The following SUMF1 variants were observed in gnomAD, a reference collection of about 807,000 sequenced individuals.
The protein encoded by SUMF1 is sulfatase modifying factor 1.
Under a neutral mutation model 47.6 loss-of-function variants are expected in SUMF1, and 48 were observed. The ratio of observed to expected loss-of-function variants is 1.01; its 90% CI spans 0.80 to 1.28. SUMF1 has a LOEUF of 1.28. Among genes scored for constraint, SUMF1 ranks in the 50% most tolerant of loss-of-function variants. SUMF1 has a pLI of 0.00. For synonymous variants in SUMF1, 230 were observed against 192.1 expected, an observed-to-expected ratio of 1.20 and a Z score of -1.63; for missense variants, 571 against 485.4, an observed-to-expected ratio of 1.18 and a Z score of -1.66.
At chr3:4,339,271 C>T (rs776329546) in intron 8 of SUMF1, among the ~76,000 whole-genome samples, 1 of 152,132 alleles carries the variant, frequency 6.6e-6, no homozygotes, top group Non-Finnish European at 1.5e-5. Context: ...AAAGTCTCAA[C>T]TTGTCCCATT....
At chr3:4,368,144 A>C (rs1203630900) in intron 8 of SUMF1, among the ~76,000 whole-genome samples, 2 of 152,244 alleles carry the variant, frequency 1.3e-5, no homozygotes, top group African/African-American at 2.4e-5. Context: ...TTACAAGAAA[A>C]AAACAAACAA....
At chr3:4,067,343 T>C (rs1177346678) in intron 9 of SUMF1, among the ~76,000 whole-genome samples, 2 of 152,152 alleles carry the variant, frequency 1.3e-5, no homozygotes, top group African/African-American at 2.4e-5. Context: ...ATATATACCA[T>C]ATCATGAAGG....
intron 1 of SUMF1, among the ~76,000 whole-genome samples, chr3:4,453,533 A>AT (rs11424980): frequency 0.32 from 43,910 of 138,210 alleles, 7,034 homozygotes; most frequent in Non-Finnish European, 0.35. Context: ...TGCCCAACTA[A>AT]TTTTTTTTTT....
At chr3:4,365,885 T>G (rs1404195058) in intron 8 of SUMF1, among the ~76,000 whole-genome samples, 1 of 152,216 alleles carries the variant, frequency 6.6e-6, no homozygotes, top group Non-Finnish European at 1.5e-5. Flanking sequence ...TAGTGTTTCC[T>G]TCAGGAGCTC....
intron 8 of SUMF1, among the ~76,000 whole-genome samples, chr3:4,259,082 G>A: frequency 6.9e-6 from 1 of 145,964 alleles, no homozygotes; most frequent in Non-Finnish European, 1.5e-5. Flanking sequence ...ATGGACCCAG[G>A]AAGGGGGATA....
At chr3:4,112,329 T>G (rs1439876857) in intron 8 of SUMF1, among the ~76,000 whole-genome samples, 2 of 152,292 alleles carry the variant, frequency 1.3e-5, no homozygotes, top group African/African-American at 4.8e-5. Context: ...CTGAGAGGGA[T>G]AGCCAACTAA....
intron 8 of SUMF1, among the ~76,000 whole-genome samples, chr3:4,077,482 A>G (rs964544501): frequency 1.3e-5 from 2 of 152,164 alleles, no homozygotes; most frequent in African/African-American, 4.8e-5. Flanking sequence ...AGCCATGAAA[A>G]AGAACAAGTT....
chr3:4,079,420 TA>T (rs2125043862), intron 8 of SUMF1, among the ~76,000 whole-genome samples: 1 of 152,080 alleles, frequency 6.6e-6, no homozygotes, highest in East Asian at 1.9e-4. Context: ...TTTACTGAAA[TA>T]AGGTACATGC....
At chr3:4,160,033 A>G (rs1694539898) in intron 8 of SUMF1, among the ~76,000 whole-genome samples, 1 of 152,098 alleles carries the variant, frequency 6.6e-6, no homozygotes, top group African/African-American at 2.4e-5. Context: ...GCCTTGGGGT[A>G]GCCTTCTTTA....
intron 8 of SUMF1, among the ~76,000 whole-genome samples, chr3:4,270,218 C>T (rs1697275886): frequency 6.6e-6 from 1 of 152,040 alleles, no homozygotes; most frequent in East Asian, 1.9e-4. Context: ...ATAAAGGAGC[C>T]TCAGTATTGA....
chr3:4,131,853 G>A (rs1241334380), intron 8 of SUMF1, among the ~76,000 whole-genome samples: 1 of 152,148 alleles, frequency 6.6e-6, no homozygotes, highest in Non-Finnish European at 1.5e-5. Context: ...TCTTTCCCCA[G>A]CCACCTCTGT....
chr3:4,305,755 C>T (rs1200500931), intron 8 of SUMF1, among the ~76,000 whole-genome samples: 3 of 152,168 alleles, frequency 2.0e-5, no homozygotes, highest in African/African-American at 7.2e-5. Context: ...TAAGGCATGA[C>T]TCCCCAGGTG....
intron 8 of SUMF1, among the ~76,000 whole-genome samples, chr3:4,235,448 G>A (rs1320105209): frequency 1.3e-5 from 2 of 152,060 alleles, no homozygotes; most frequent in African/African-American, 4.8e-5. Flanking sequence ...GCAAAATCAA[G>A]TAGGGAGAAA....
chr3:4,253,455 A>G (rs564015872), intron 8 of SUMF1, among the ~76,000 whole-genome samples: 14 of 152,260 alleles, frequency 9.2e-5, no homozygotes, highest in South Asian at 2.1e-4. Flanking sequence ...CCTGGGAAGC[A>G]CAAGGGGTCA....
At chr3:4,431,127 T>C (rs571697580) in intron 3 of SUMF1, among the ~76,000 whole-genome samples, 1 of 152,246 alleles carries the variant, frequency 6.6e-6, no homozygotes, top group Non-Finnish European at 1.5e-5. Flanking sequence ...CTGTTGATAG[T>C]GGGAGGAGGC....
intron 7 of SUMF1, among the ~76,000 whole-genome samples, chr3:4,388,717 G>C (rs1300553843): frequency 2.0e-5 from 3 of 151,608 alleles, no homozygotes; most frequent in African/African-American, 4.9e-5. Flanking sequence ...TTGTGCTTTT[G>C]AGCATACCTC....
intron 8 of SUMF1, among the ~76,000 whole-genome samples, chr3:4,122,245 C>T (rs755695420): frequency 3.3e-5 from 5 of 151,956 alleles, no homozygotes; most frequent in Non-Finnish European, 5.9e-5. Flanking sequence ...ATGGTGTATC[C>T]GTATAACAGA....
rs1464704925 is a variant in SUMF1 at position 4,375,303 on chromosome 3, C to CAT, written c.1014+1025_1014+1026dup. Among the ~76,000 whole-genome samples, 9 of 152,008 alleles carry CAT rather than the reference C, an allele frequency of 5.9e-5. No homozygotes were observed. The East Asian group carries it at 7.7e-4, about 13-fold the overall frequency. On this transcript the variant is annotated intron_variant, in intron 8 of 8. Coordinates refer to ENST00000272902, the MANE Select transcript of SUMF1 (RefSeq NM_182760.4). ...GAAGATACACATACATACAAACTCACATATATACATAAAATCTAGAGAGAT... is the reference window on the plus strand; with the variant it reads ...GAAGATACACATACATACAAACTCACATATATATACATAAAATCTAGAGAGAT...
chr3:4,124,371 T>G (rs527440961), intron 8 of SUMF1, among the ~76,000 whole-genome samples: 17 of 152,296 alleles, frequency 1.1e-4, no homozygotes, highest in African/African-American at 3.1e-4. Flanking sequence ...GTAATGTTTA[T>G]GAAACACAAT....
Sources: gnomAD v4.1 joint callset for allele counts (sites outside exome capture counted in the v4.1 genomes callset) on GRCh38, gnomAD v4.1.1 for gene constraint, MANE v1.5 for transcripts, NCBI Gene and HGNC (gene_info 2026-07-23, HGNC 2026-07-21) for gene names.